PCDH15: variants seen among roughly 807,000 people sequenced by gnomAD.
The protein encoded by PCDH15 is protocadherin-15.
PCDH15 carries 129 observed loss-of-function variants against 178.5 expected under a neutral mutation model. That is an observed-to-expected ratio of 0.72 (90% CI 0.63 to 0.84). The LOEUF (loss-of-function observed/expected upper bound fraction) is 0.84. PCDH15 is among the 40% of genes least tolerant of loss of function. The probability of loss-of-function intolerance (pLI) is 0.00; values close to 1 mark genes in which losing one functional copy is unlikely to be tolerated. For synonymous variants in PCDH15, 800 were observed against 732.0 expected (o/e 1.09, Z -1.50); for missense variants, 2,230 against 2,099.9 (o/e 1.06, Z -1.21).
intron 1 of PCDH15, among the ~76,000 whole-genome samples, chr10:54,695,259 T>C (rs1832186): frequency 0.87 from 131,629 of 152,134 alleles, 57,606 homozygotes; most frequent in Middle Eastern, 0.94. Flanking sequence ...AGAGAAAGTG[T>C]TACTGGTTTG....
chr10:54,764,335 T>A (rs12776307), intron 1 of PCDH15, among the ~76,000 whole-genome samples: 23,053 of 152,018 alleles, frequency 0.15, 2,032 homozygotes, highest in East Asian at 0.24. Flanking sequence ...TTTCATCTAT[T>A]TCCCTTTAGA....
chr10:54,049,184 T>C (rs1440699694), intron 18 of PCDH15, among the ~76,000 whole-genome samples: 1 of 152,206 alleles, frequency 6.6e-6, no homozygotes, highest in Non-Finnish European at 1.5e-5. Flanking sequence ...CTGTTATTTG[T>C]GCATAAAAAT....
chr10:53,842,182 G>T (rs1785664435), intron 28 of PCDH15, among the ~76,000 whole-genome samples: 1 of 152,092 alleles, frequency 6.6e-6, no homozygotes, highest in African/African-American at 2.4e-5. Context: ...TGTCTGGCTG[G>T]CTTCAATTTT....
intron 2 of PCDH15, among the ~76,000 whole-genome samples, chr10:54,985,012 A>G (rs1839328846): frequency 6.6e-6 from 1 of 152,156 alleles, no homozygotes; most frequent in African/African-American, 2.4e-5. Context: ...ATGATGGGTA[A>G]GTAAAAGTAT....
At chr10:54,179,212 T>C (rs2047735512) in intron 13 of PCDH15, among the ~76,000 whole-genome samples, 1 of 151,346 alleles carries the variant, frequency 6.6e-6, no homozygotes, top group Non-Finnish European at 1.5e-5. Flanking sequence ...ATGTGGCACA[T>C]ATACACCATG....
intron 2 of PCDH15, among the ~76,000 whole-genome samples, chr10:55,351,865 TAA>T (rs1565045436): frequency 6.6e-6 from 1 of 152,192 alleles, no homozygotes; most frequent in African/African-American, 2.4e-5. Context: ...TCCTGAATGT[TAA>T]GTCTCATTGC....
chr10:54,450,157 ATT>A (rs1471331382), intron 3 of PCDH15, among the ~76,000 whole-genome samples: 4 of 135,360 alleles, frequency 3.0e-5, no homozygotes, highest in African/African-American at 5.4e-5. Context: ...ATATATATAT[ATT>A]ATACTTTAAG....
At chr10:55,471,325 G>T (rs774901052) in intron 2 of PCDH15, among the ~76,000 whole-genome samples, 37 of 152,112 alleles carry the variant, frequency 2.4e-4, no homozygotes, top group Non-Finnish European at 4.6e-4. Context: ...TTTGTAGAAA[G>T]ATTTTTATTA....
chr10:54,479,136 C>T (rs1374959824), intron 3 of PCDH15, among the ~76,000 whole-genome samples: 1 of 151,870 alleles, frequency 6.6e-6, no homozygotes, highest in African/African-American at 2.4e-5. Context: ...TTTAAAATTT[C>T]AGACCAAGAG....
At chr10:54,226,344 G>C (rs1194211736) in intron 9 of PCDH15, among the ~76,000 whole-genome samples, 1 of 152,170 alleles carries the variant, frequency 6.6e-6, no homozygotes, top group East Asian at 1.9e-4. Context: ...GCAACGGAAA[G>C]ACTTGCCACC....
At chr10:54,645,317 C>CAGAG (rs764348815) in intron 2 of PCDH15, among the ~76,000 whole-genome samples, 1 of 149,538 alleles carries the variant, frequency 6.7e-6, no homozygotes, top group African/African-American at 2.4e-5. Flanking sequence ...CTGAGAGAGA[C>CAGAG]AGAGAGAGAG....
intron 2 of PCDH15, among the ~76,000 whole-genome samples, chr10:55,013,927 T>A (rs1372821402): frequency 1.3e-5 from 2 of 152,100 alleles, no homozygotes; most frequent in Non-Finnish European, 2.9e-5. Flanking sequence ...TTAGGCCACT[T>A]TAATCTCATT....
chr10:54,755,149 C>T (rs1946900492), intron 1 of PCDH15, among the ~76,000 whole-genome samples: 1 of 151,936 alleles, frequency 6.6e-6, no homozygotes, highest in African/African-American at 2.4e-5. Context: ...CCAGGCTGGT[C>T]TCGAACTCCT....
chr10:54,896,062 T>C (rs1954539520), intron 3 of PCDH15, among the ~76,000 whole-genome samples: 1 of 152,044 alleles, frequency 6.6e-6, no homozygotes, highest in Non-Finnish European at 1.5e-5. Flanking sequence ...AATTTTTGTA[T>C]TTTTAATAGA....
At chr10:54,974,057 TCA>T (rs3072796) in intron 2 of PCDH15, among the ~76,000 whole-genome samples, 15,181 of 99,238 alleles carry the variant, frequency 0.15, 849 homozygotes, top group East Asian at 0.41. Flanking sequence ...TCTCTCTCTC[TCA>T]CACACACACA....
chr10:53,805,877 A>ATAT lies in PCDH15; in HGVS notation c.*699_*701dup. On this transcript the variant is annotated 3_prime_UTR_variant, in exon 38 of 38. Transcript: ENST00000644397. ...ATTAAACTAAACTAAAGTATCTACC[A>ATAT]TATTTGATATGAGATGAAGGGACAA... 6.6e-6 allele frequency: 1 copy of ATAT among 152,238 alleles called. No homozygotes were observed. The highest frequency in any genetic ancestry group is 1.5e-5 in the Non-Finnish European group (1 of 67,994). 9.4% of individuals were successfully genotyped at this position (152,238 alleles called of 1,614,324 possible).
chr10:54,720,185 C>T (rs1255029127), intron 1 of PCDH15, among the ~76,000 whole-genome samples: 4 of 151,952 alleles, frequency 2.6e-5, no homozygotes, highest in South Asian at 4.2e-4. Context: ...CAAGTAATCC[C>T]ATTACTGGGT....
intron 3 of PCDH15, among the ~76,000 whole-genome samples, chr10:54,860,529 C>T (rs1420056737): frequency 1.3e-5 from 2 of 152,100 alleles, no homozygotes; most frequent in Admixed American, 1.3e-4. Context: ...AGATGTACAA[C>T]ATTTTCTTTT....
intron 15 of PCDH15, among the ~76,000 whole-genome samples, chr10:54,097,702 G>T (rs1248091225): frequency 2.0e-5 from 3 of 151,996 alleles, no homozygotes; most frequent in Non-Finnish European, 4.4e-5. Flanking sequence ...CTTGTCATTT[G>T]GTCCTTGCAA....
Sources: gnomAD v4.1 joint callset for allele counts (sites outside exome capture counted in the v4.1 genomes callset) on GRCh38, gnomAD v4.1.1 for gene constraint, MANE v1.5 for transcripts, NCBI Gene and HGNC (gene_info 2026-07-23, HGNC 2026-07-21) for gene names.